CTNNA2: variants seen among roughly 807,000 people sequenced by gnomAD.
The protein encoded by CTNNA2 is catenin alpha 2.
In CTNNA2, 42 loss-of-function variants were observed where a neutral mutation model predicts 101.0. The ratio of observed to expected loss-of-function variants is 0.42; its 90% CI spans 0.32 to 0.54. The LOEUF (loss-of-function observed/expected upper bound fraction) is 0.54, where lower values mean the gene tolerates loss of function less well. Ranked by LOEUF, CTNNA2 falls within the 20% of genes least tolerant of loss-of-function variation. CTNNA2 has a pLI of 0.14. For missense variants in CTNNA2, 871 were observed against 1,223.1 expected (o/e 0.71, Z 4.29); for synonymous variants, 450 against 456.4 (o/e 0.99, Z 0.18).
intron 2 of CTNNA2, among the ~76,000 whole-genome samples, chr2:79,251,356 G>A (rs1674768995): frequency 6.6e-6 from 1 of 152,142 alleles, no homozygotes; most frequent in African/African-American, 2.4e-5. Flanking sequence ...GGAACAGCAT[G>A]GGGCAGAGCC....
chr2:79,255,427 T>C (rs1674831543), intron 2 of CTNNA2, among the ~76,000 whole-genome samples: 2 of 152,192 alleles, frequency 1.3e-5, no homozygotes. Flanking sequence ...GTACTTTGCA[T>C]GATGAAAATA....
intron 9 of CTNNA2, among the ~76,000 whole-genome samples, chr2:80,428,849 C>T (rs937804561): frequency 2.6e-5 from 4 of 152,016 alleles, no homozygotes; most frequent in African/African-American, 9.7e-5. Context: ...AAAACAACAA[C>T]AAAAAACTAC....
At chr2:80,120,402 A>G (rs1701764782) in intron 7 of CTNNA2, among the ~76,000 whole-genome samples, 1 of 152,182 alleles carries the variant, frequency 6.6e-6, no homozygotes, top group South Asian at 2.1e-4. Context: ...TGGTCTAACA[A>G]GAATCTGGAA....
chr2:80,471,080 G>A (rs7562808), intron 9 of CTNNA2, among the ~76,000 whole-genome samples: 66,601 of 152,006 alleles, frequency 0.44, 17,196 homozygotes, highest in African/African-American at 0.69. Context: ...GCCCATGATA[G>A]GGGGTTGGTA....
rs1675171490 is a variant in CTNNA2 at position 79,790,312 on chromosome 2, A to C, written c.298+45730A>C. ...GAAACCAGTGAAGGGGAAAGGCACT[A>C]GAGAGAGGGAGGAGTTGACGATGTC... On this transcript the variant is annotated intron_variant, in intron 3 of 18. Coordinates refer to ENST00000402739, the MANE Select transcript of CTNNA2 (RefSeq NM_001282597.3). 3.9e-5 allele frequency among the ~76,000 whole-genome samples: 6 copies of C among 152,294 alleles called. No individual in the cohort carries two copies. The South Asian group carries it at 1.2e-3, about 32-fold the overall frequency.
intron 12 of CTNNA2, among the ~76,000 whole-genome samples, chr2:80,570,235 G>C (rs1343347356): frequency 3.3e-5 from 5 of 152,076 alleles, no homozygotes; most frequent in Non-Finnish European, 5.9e-5. Context: ...TTTTAGTAGA[G>C]GTGGGGTTTC....
intron 1 of CTNNA2, among the ~76,000 whole-genome samples, chr2:79,606,091 A>C (rs959972352): frequency 6.6e-6 from 1 of 152,222 alleles, no homozygotes; most frequent in Non-Finnish European, 1.5e-5. Flanking sequence ...AGGTGAAAAA[A>C]TCAATAATAT....
At position 80,241,293 on chromosome 2, in the gene CTNNA2, CAT is replaced by C. The variant is rs112194129; in HGVS notation, c.1057-151914_1057-151913del. Among the ~76,000 whole-genome samples, 1,178 of 151,324 alleles carry C rather than the reference CAT, an allele frequency of 7.8e-3. 20 individuals carry two copies. The highest frequency in any genetic ancestry group is 0.027 in the African/African-American group (1,111 of 41,118). On this transcript the variant is annotated intron_variant, in intron 7 of 18. Transcript: ENST00000402739. Reference sequence around the variant, plus strand: ...TACTCAGTGACCAGGAAAATTGAGACATATAGGTTAAACAAAAACTTCATCAA... The same window carrying C: ...TACTCAGTGACCAGGAAAATTGAGACATAGGTTAAACAAAAACTTCATCAA...
At chr2:80,396,771 A>T (rs948846230) in intron 8 of CTNNA2, among the ~76,000 whole-genome samples, 1 of 152,198 alleles carries the variant, frequency 6.6e-6, no homozygotes. Context: ...TGACATTGCA[A>T]TGTTGCTAAA....
At chr2:80,217,807 C>T (rs76443870) in intron 7 of CTNNA2, among the ~76,000 whole-genome samples, 4,455 of 152,240 alleles carry the variant, frequency 0.029, 230 homozygotes, top group African/African-American at 0.1. Flanking sequence ...GAGAGGGGTT[C>T]AGGGCTGGAC....
chr2:80,108,441 A>G (rs190813843), intron 7 of CTNNA2, among the ~76,000 whole-genome samples: 104 of 152,272 alleles, frequency 6.8e-4, no homozygotes, highest in African/African-American at 2.4e-3. Flanking sequence ...AGTGACAGCA[A>G]TGGCAAATAG....
intron 18 of CTNNA2, among the ~76,000 whole-genome samples, chr2:80,635,541 A>G (rs1422509139): frequency 6.6e-6 from 1 of 152,140 alleles, no homozygotes; most frequent in East Asian, 1.9e-4. Context: ...TTTTACTTCA[A>G]TTTTCTGTGC....
At chr2:80,300,466 C>T (rs1047140281) in intron 7 of CTNNA2, among the ~76,000 whole-genome samples, 2 of 152,028 alleles carry the variant, frequency 1.3e-5, no homozygotes, top group East Asian at 3.9e-4. Context: ...ACCACCAACC[C>T]TTAGCTTAAG....
intron 2 of CTNNA2, among the ~76,000 whole-genome samples, chr2:79,245,157 G>T (rs984656239): frequency 2.0e-5 from 3 of 151,598 alleles, no homozygotes; most frequent in Non-Finnish European, 4.4e-5. Context: ...TTTCCTTAAA[G>T]AAATGCATCA....
At chr2:79,904,826 T>C (rs1250268716) in intron 6 of CTNNA2, among the ~76,000 whole-genome samples, 1 of 152,204 alleles carries the variant, frequency 6.6e-6, no homozygotes, top group Non-Finnish European at 1.5e-5. Flanking sequence ...ATCACATAGC[T>C]TTTTGTGGAG....
At chr2:80,543,054 A>G (rs1214463254) in intron 9 of CTNNA2, among the ~76,000 whole-genome samples, 1 of 152,182 alleles carries the variant, frequency 6.6e-6, no homozygotes, top group Non-Finnish European at 1.5e-5. Context: ...GGCACCATTT[A>G]TCCATTGTGT....
intron 7 of CTNNA2, among the ~76,000 whole-genome samples, chr2:79,968,743 T>C (rs573927182): frequency 3.6e-4 from 55 of 152,224 alleles, no homozygotes; most frequent in African/African-American, 1.3e-3. Context: ...TTCCATTTCG[T>C]ATGGTTACTT....
At chr2:79,659,172 A>T (rs1265685145) in intron 2 of CTNNA2, among the ~76,000 whole-genome samples, 3 of 151,744 alleles carry the variant, frequency 2.0e-5, no homozygotes, top group Admixed American at 2.0e-4. Context: ...AAATAAATGA[A>T]CACTTAGAAG....
intron 9 of CTNNA2, among the ~76,000 whole-genome samples, chr2:80,540,923 T>C (rs1691498353): frequency 6.6e-6 from 1 of 152,202 alleles, no homozygotes; most frequent in Non-Finnish European, 1.5e-5. Context: ...CTTCAACTCC[T>C]GGCTTATTAG....
Sources: allele counts gnomAD v4.1 joint callset (sites outside exome capture counted in the v4.1 genomes callset), GRCh38; gene constraint gnomAD v4.1.1; transcripts MANE v1.5; gene names NCBI Gene and HGNC (gene_info 2026-07-23, HGNC 2026-07-21).